The following DENND2A variants were observed in gnomAD, a reference collection of about 807,000 sequenced individuals.
The protein encoded by DENND2A is DENN domain-containing protein 2A.
Under a neutral mutation model 105.3 loss-of-function variants are expected in DENND2A, and 53 were observed. The observed-to-expected ratio is 0.50, with a 90% CI of 0.40 to 0.63. The LOEUF (loss-of-function observed/expected upper bound fraction) is 0.63. Among genes scored for constraint, DENND2A ranks in the 30% least tolerant of loss-of-function variants. The probability of loss-of-function intolerance (pLI) is 0.00; values close to 1 mark genes in which losing one functional copy is unlikely to be tolerated. For missense variants in DENND2A, 1,138 were observed against 1,279.6 expected, an observed-to-expected ratio of 0.89 and a Z score of 1.69; for synonymous variants, 522 against 508.4, an observed-to-expected ratio of 1.03 and a Z score of -0.36.
chr7:140,594,956 C>T (rs767615324), intron 3 of DENND2A, among the ~76,000 whole-genome samples: 11 of 152,138 alleles, frequency 7.2e-5, no homozygotes, highest in East Asian at 1.9e-4. Flanking sequence ...CCTTGTCATC[C>T]GCCTGCCTCA....
chr7:140,583,163 A>C (rs1347415526), intron 5 of DENND2A, among the ~76,000 whole-genome samples: 2 of 151,792 alleles, frequency 1.3e-5, no homozygotes, highest in African/African-American at 2.4e-5. Flanking sequence ...GGCCATGGTG[A>C]TGGCCCAGCT....
intron 13 of DENND2A, among the ~76,000 whole-genome samples, chr7:140,546,275 G>A (rs1047165630): frequency 1.3e-5 from 2 of 151,954 alleles, no homozygotes; most frequent in Admixed American, 1.3e-4. Flanking sequence ...AAAATTAGCC[G>A]GGTGTGGCAG....
At chr7:140,630,385 G>A (rs145673079) in intron 1 of DENND2A, among the ~76,000 whole-genome samples, 1 of 152,120 alleles carries the variant, frequency 6.6e-6, no homozygotes, top group Non-Finnish European at 1.5e-5. Flanking sequence ...GGCAGAACAC[G>A]CGCACTGGCT....
chr7:140,555,542 T>C (rs954668663), intron 12 of DENND2A, 94 bp downstream of exon 12: 18 of 1,044,016 alleles, frequency 1.7e-5, no homozygotes, highest in East Asian at 2.5e-5. Context: ...GAGAATAAGA[T>C]GATAGAAGGC....
At chr7:140,621,204 T>A (rs10225641) in intron 1 of DENND2A, among the ~76,000 whole-genome samples, 4,655 of 149,152 alleles carry the variant, frequency 0.031, 148 homozygotes, top group African/African-American at 0.085. Flanking sequence ...AATTAAAAAA[T>A]TTTTTTTTTT....
At chr7:140,567,315 A>AGG in intron 8 of DENND2A, 42 bp from the exon 9 acceptor site, 4 of 1,377,924 alleles carry the variant, frequency 2.9e-6, no homozygotes, top group Non-Finnish European at 3.9e-6. Context: ...AGAGAGAGAG[A>AGG]GAGAGAGAGA....
intron 5 of DENND2A, among the ~76,000 whole-genome samples, chr7:140,579,173 G>A (rs1402924832): frequency 2.0e-5 from 3 of 151,652 alleles, no homozygotes; most frequent in Admixed American, 2.0e-4. Flanking sequence ...CACGCCTGTA[G>A]TCCCAGCTAC....
chr7:140,566,736 G>A (rs1044934732), intron 9 of DENND2A, among the ~76,000 whole-genome samples: 1 of 146,824 alleles, frequency 6.8e-6, no homozygotes. Context: ...GCCCAGGCCG[G>A]AGTGCAGTGG....
chr7:140,519,469 C>T (rs550873152), intron 19 of DENND2A, among the ~76,000 whole-genome samples, 163 bp downstream of exon 19: 1 of 152,252 alleles, frequency 6.6e-6, no homozygotes, highest in Admixed American at 6.5e-5. Context: ...TCTTTGGGGA[C>T]AGATTAGAAC....
intron 1 of DENND2A, among the ~76,000 whole-genome samples, chr7:140,639,011 G>A (rs1436925378): frequency 6.6e-6 from 1 of 152,164 alleles, no homozygotes; most frequent in Non-Finnish European, 1.5e-5. Flanking sequence ...GCTGTGTAAG[G>A]GTATGAATAG....
At chr7:140,570,308 A>G (rs561731032) in intron 6 of DENND2A, among the ~76,000 whole-genome samples, 5 of 152,212 alleles carry the variant, frequency 3.3e-5, no homozygotes, top group African/African-American at 1.2e-4. Context: ...AGCAGCAGAG[A>G]CCCATGGGGA....
chr7:140,616,320 C>T (rs1025258901), intron 1 of DENND2A, among the ~76,000 whole-genome samples: 2 of 152,070 alleles, frequency 1.3e-5, no homozygotes, highest in African/African-American at 4.8e-5. Context: ...TGAGATCACA[C>T]CACTGTACTC....
At chr7:140,608,192 T>A (rs1472356901) in intron 1 of DENND2A, among the ~76,000 whole-genome samples, 1 of 152,136 alleles carries the variant, frequency 6.6e-6, no homozygotes, top group Non-Finnish European at 1.5e-5. Context: ...ATGAAAACCA[T>A]GATCTCCAGA....
chr7:140,605,233 G>C (rs1799648146), intron 2 of DENND2A, among the ~76,000 whole-genome samples: 1 of 152,186 alleles, frequency 6.6e-6, no homozygotes, highest in African/African-American at 2.4e-5. Flanking sequence ...GTTCCAGACT[G>C]GGGTGCAGAG....
In DENND2A at chr7:140,525,788, A is replaced by G. The variant is rs1386948118; in HGVS notation, c.2510T>C (p.Leu837Pro). The G allele has an allele frequency of 6.2e-7, 1 of 1,601,980 alleles. No individual in the cohort carries two copies. The highest frequency in any genetic ancestry group is 2.3e-5 in the East Asian group (1 of 44,022). ...LLRELPLEEV[L>P]VVDLVNSRFL... ...CCGGCTGTTGACGAGGTCAACCACAAGGACCTATGAGATGAGACGAAAGGG... is the reference window on the plus strand; with the variant it reads ...CCGGCTGTTGACGAGGTCAACCACAGGGACCTATGAGATGAGACGAAAGGG... The change falls in exon 16 of 20, where the codon CTT (leucine) becomes CCT (proline). Residue 837 changes from leucine to proline, a missense_variant. Leu to Pro is a moderately conservative substitution (Grantham distance 98, BLOSUM62 -3). Coordinates refer to ENST00000496613, the MANE Select transcript of DENND2A (RefSeq NM_015689.5).
At chr7:140,539,015 G>A (rs556792265) in intron 14 of DENND2A, among the ~76,000 whole-genome samples, 1 of 151,976 alleles carries the variant, frequency 6.6e-6, no homozygotes, top group Non-Finnish European at 1.5e-5. Flanking sequence ...GTAGAGACAG[G>A]GTTTCACCAT....
chr7:140,575,657 T>C (rs967094694), intron 5 of DENND2A, among the ~76,000 whole-genome samples: 5 of 152,172 alleles, frequency 3.3e-5, no homozygotes, highest in Non-Finnish European at 7.3e-5. Flanking sequence ...TGGAATACCA[T>C]GCAATTATTT....
At position 140,611,622 on chromosome 7, in the gene DENND2A, T is replaced by C. The variant is rs80275524; in HGVS notation, c.-247-5816A>G. ...TTTAAAAAGTGGTCTATCTGTACAA[T>C]GGAATTCAGTCACATAAAGGAATGA... On this transcript the variant is annotated intron_variant, in intron 1 of 19. Coordinates refer to ENST00000496613, the MANE Select transcript of DENND2A (RefSeq NM_015689.5). 5.5e-3 allele frequency among the ~76,000 whole-genome samples: 833 copies of C among 152,296 alleles called. 6 individuals carry two copies. Among genetic ancestry groups the C allele is most frequent in the African/African-American group, 0.019 (792 of 41,564 alleles).
intron 1 of DENND2A, among the ~76,000 whole-genome samples, chr7:140,620,203 T>TA: frequency 6.7e-6 from 1 of 150,334 alleles, no homozygotes; most frequent in African/African-American, 2.4e-5. Context: ...CTCAAAAAAA[T>TA]AAAAAAAGAA....
Sources: gnomAD v4.1 joint callset for allele counts (sites outside exome capture counted in the v4.1 genomes callset) on GRCh38, gnomAD v4.1.1 for gene constraint, MANE v1.5 for transcripts, NCBI Gene and HGNC (gene_info 2026-07-23, HGNC 2026-07-21) for gene names.